Variants in AGBL1 observed in about 807,000 individuals in gnomAD.
The protein encoded by AGBL1 is AGBL carboxypeptidase 1, also known as cytosolic carboxypeptidase 4.
In AGBL1, 130 loss-of-function variants were observed where a neutral mutation model predicts 118.9. That is an observed-to-expected ratio of 1.09 (90% CI 0.95 to 1.26). AGBL1 has a LOEUF of 1.26. Among genes scored for constraint, AGBL1 ranks in the 50% most tolerant of loss-of-function variants. AGBL1 has a pLI of 0.00. For synonymous variants in AGBL1, 555 were observed against 478.9 expected (o/e 1.16, Z -2.08); for missense variants, 1,584 against 1,298.1 (o/e 1.22, Z -3.38).
At chr15:86,925,728 T>A (rs928567124) in intron 23 of AGBL1, among the ~76,000 whole-genome samples, 2 of 149,132 alleles carry the variant, frequency 1.3e-5, no homozygotes, top group South Asian at 2.1e-4. Flanking sequence ...TTCTTTTTTT[T>A]TTTTTTTATT....
chr15:86,953,544 C>T (rs1445108672), intron 23 of AGBL1, among the ~76,000 whole-genome samples: 1 of 151,958 alleles, frequency 6.6e-6, no homozygotes, highest in African/African-American at 2.4e-5. Flanking sequence ...GTACATGCCA[C>T]TATGCCCAGC....
At chr15:86,940,692 GGAGA>G (rs1206503577) in intron 23 of AGBL1, among the ~76,000 whole-genome samples, 1 of 152,162 alleles carries the variant, frequency 6.6e-6, no homozygotes, top group Non-Finnish European at 1.5e-5. Context: ...AAATCTGGAG[GGAGA>G]GATAGGCAAA....
chr15:86,145,609 G>A (rs143623415), intron 3 of AGBL1, among the ~76,000 whole-genome samples: 1 of 152,296 alleles, frequency 6.6e-6, no homozygotes, highest in East Asian at 1.9e-4. Flanking sequence ...TCTCCACGCT[G>A]AGTCCATTCA....
At position 86,683,981 on chromosome 15, in the gene AGBL1, G is replaced by T. The variant is rs530517498; in HGVS notation, c.3158+9545G>T. 5.9e-5 allele frequency among the ~76,000 whole-genome samples: 9 copies of T among 151,752 alleles called. No homozygotes were observed. In the South Asian group the frequency reaches 1.9e-3, roughly 32 times the overall value. ...CCCTGTGACACCTATGGCTCTTACC[G>T]AAGAGCTAGTCCTTTAGGTCAAAGC... On this transcript the variant is annotated intron_variant, in intron 22 of 22. Coordinates refer to ENST00000614907, the MANE Select transcript of AGBL1 (RefSeq NM_001386094.1).
intron 3 of AGBL1, among the ~76,000 whole-genome samples, chr15:86,145,057 C>T (rs1179692828): frequency 6.6e-6 from 1 of 152,182 alleles, no homozygotes; most frequent in Admixed American, 6.5e-5. Flanking sequence ...ATGCATCACT[C>T]TGATCTCTGC....
chr15:86,713,986 G>A (rs561350801), intron 22 of AGBL1, among the ~76,000 whole-genome samples: 11 of 152,278 alleles, frequency 7.2e-5, no homozygotes, highest in African/African-American at 2.6e-4. Flanking sequence ...CGCACACAAA[G>A]GCTGAAAGCA....
chr15:86,739,133 C>T (rs1046863789), intron 22 of AGBL1, among the ~76,000 whole-genome samples: 17 of 151,922 alleles, frequency 1.1e-4, no homozygotes, highest in African/African-American at 4.1e-4. Context: ...GTGACAGAAG[C>T]AAGACCCTGT....
At chr15:86,244,063 G>GTAAGTAAATAAA (rs146329361) in intron 6 of AGBL1, among the ~76,000 whole-genome samples, 3 of 143,894 alleles carry the variant, frequency 2.1e-5, no homozygotes, top group East Asian at 2.0e-4. Context: ...AGATAAATAA[G>GTAAGTAAATAAA]TAAATAAATA....
chr15:86,749,867 A>G (rs1192076640), intron 22 of AGBL1, among the ~76,000 whole-genome samples: 2 of 152,102 alleles, frequency 1.3e-5, no homozygotes, highest in African/African-American at 2.4e-5. Flanking sequence ...AGCCCACTTG[A>G]TCATGGTGGA....
At chr15:86,421,119 C>T (rs763093894) in intron 18 of AGBL1, among the ~76,000 whole-genome samples, 9 of 151,980 alleles carry the variant, frequency 5.9e-5, no homozygotes, top group Non-Finnish European at 1.2e-4. Flanking sequence ...ACAATACAAA[C>T]AGCAACTTCA....
intron 23 of AGBL1, among the ~76,000 whole-genome samples, chr15:86,942,156 C>T (rs2080761259): frequency 6.6e-6 from 1 of 152,136 alleles, no homozygotes; most frequent in Non-Finnish European, 1.5e-5. Context: ...CACACATACG[C>T]AAAACATTCA....
At chr15:86,588,172 A>G (rs544193362) in intron 21 of AGBL1, among the ~76,000 whole-genome samples, 33 of 152,160 alleles carry the variant, frequency 2.2e-4, no homozygotes, top group Admixed American at 1.0e-3. Flanking sequence ...TCTGCATTAT[A>G]CCTTCGTTAA....
intron 21 of AGBL1, among the ~76,000 whole-genome samples, chr15:86,558,707 A>C (rs1384310558): frequency 2.6e-5 from 4 of 152,220 alleles, no homozygotes; most frequent in Non-Finnish European, 4.4e-5. Context: ...TAGGAAATTC[A>C]ATCATCGGAA....
intron 18 of AGBL1, among the ~76,000 whole-genome samples, chr15:86,455,566 C>T (rs1017904569): frequency 2.6e-5 from 4 of 151,964 alleles, no homozygotes; most frequent in Non-Finnish European, 5.9e-5. Flanking sequence ...TTTGTAAACT[C>T]CAAAGCTTTG....
chr15:86,196,875 G>GCACACA, intron 5 of AGBL1, among the ~76,000 whole-genome samples: 1 of 86,696 alleles, frequency 1.2e-5, no homozygotes, highest in East Asian at 4.2e-4. Flanking sequence ...ATGTGCGCGC[G>GCACACA]CGCGCACACA....
At chr15:86,817,062 A>G (rs770344020) in intron 22 of AGBL1, among the ~76,000 whole-genome samples, 2 of 152,008 alleles carry the variant, frequency 1.3e-5, no homozygotes, top group Non-Finnish European at 2.9e-5. Context: ...TGAGGTGGGT[A>G]GATCACCTGA....
At chr15:86,152,141 C>T (rs140006666) in intron 3 of AGBL1, among the ~76,000 whole-genome samples, 3,272 of 149,362 alleles carry the variant, frequency 0.022, 72 homozygotes, top group East Asian at 0.078. Context: ...CTACCAATGA[C>T]TTTCTTCACA....
intron 21 of AGBL1, among the ~76,000 whole-genome samples, chr15:86,591,592 T>G (rs929884250): frequency 6.6e-6 from 1 of 152,156 alleles, no homozygotes; most frequent in African/African-American, 2.4e-5. Context: ...ACAAAGAATA[T>G]AGATGAAGAG....
intron 22 of AGBL1, among the ~76,000 whole-genome samples, chr15:86,711,395 A>C (rs2086553208): frequency 6.6e-6 from 1 of 152,318 alleles, no homozygotes; most frequent in Non-Finnish European, 1.5e-5. Context: ...TCATGTATCC[A>C]CCTTGTCACT....
Sources: allele counts gnomAD v4.1 joint callset (sites outside exome capture counted in the v4.1 genomes callset), GRCh38; gene constraint gnomAD v4.1.1; transcripts MANE v1.5; gene names NCBI Gene and HGNC (gene_info 2026-07-23, HGNC 2026-07-21).